Variants in DAB1 observed in about 807,000 individuals in gnomAD.
The protein encoded by DAB1 is DAB adaptor protein 1.
DAB1 carries 15 observed loss-of-function variants against 64.6 expected under a neutral mutation model. The observed-to-expected ratio is 0.23, with a 90% CI of 0.16 to 0.36. The LOEUF is 0.36. DAB1 is among the 10% of genes least tolerant of loss of function. The probability of loss-of-function intolerance (pLI) is 1.00; values close to 1 mark genes in which losing one functional copy is unlikely to be tolerated. For synonymous variants in DAB1, 235 were observed against 251.9 expected (o/e 0.93, Z 0.64); for missense variants, 596 against 706.7 (o/e 0.84, Z 1.78).
At chr1:58,121,533 A>C (rs918358107) in intron 5 of DAB1, among the ~76,000 whole-genome samples, 5 of 151,984 alleles carry the variant, frequency 3.3e-5, no homozygotes, top group African/African-American at 9.7e-5. Context: ...CTCTCTCAAA[A>C]TTTGTTTCAT....
chr1:57,542,441 G>A (rs1644813279), intron 7 of DAB1, among the ~76,000 whole-genome samples: 2 of 150,072 alleles, frequency 1.3e-5, no homozygotes, highest in Middle Eastern at 3.4e-3. Flanking sequence ...GGAAGGAAGC[G>A]AGCATGGTTG....
At chr1:58,334,282 C>T (rs534451533) in intron 4 of DAB1, among the ~76,000 whole-genome samples, 1 of 152,142 alleles carries the variant, frequency 6.6e-6, no homozygotes, top group Non-Finnish European at 1.5e-5. Context: ...TGTTGGGTTG[C>T]AATATTAAAT....
intron 7 of DAB1, among the ~76,000 whole-genome samples, chr1:57,565,660 G>T (rs1434733871): frequency 6.6e-6 from 1 of 152,124 alleles, no homozygotes; most frequent in Admixed American, 6.5e-5. Context: ...AACCAACAAA[G>T]ATCAAAAGAG....
At chr1:57,094,590 A>C (rs1346225732) in intron 4 of DAB1, among the ~76,000 whole-genome samples, 1 of 152,144 alleles carries the variant, frequency 6.6e-6, no homozygotes, top group Non-Finnish European at 1.5e-5. Context: ...ACAATTACAC[A>C]TTCACTTCCT....
At chr1:57,895,348 C>G (rs1391951538) in intron 5 of DAB1, among the ~76,000 whole-genome samples, 2 of 152,248 alleles carry the variant, frequency 1.3e-5, no homozygotes, top group East Asian at 3.9e-4. Context: ...GTAATTTGCC[C>G]AAGGTCACAC....
At chr1:57,458,012 C>G (rs1467342476) in intron 7 of DAB1, among the ~76,000 whole-genome samples, 6 of 152,128 alleles carry the variant, frequency 3.9e-5, no homozygotes, top group African/African-American at 1.4e-4. Context: ...ACAACAGACT[C>G]ACATCTATGT....
At chr1:58,096,851 G>A (rs2002319) in intron 5 of DAB1, among the ~76,000 whole-genome samples, 193 of 152,322 alleles carry the variant, frequency 1.3e-3, no homozygotes, top group African/African-American at 4.4e-3. Flanking sequence ...AGGACCCAGC[G>A]ATCCCAGCAC....
intron 5 of DAB1, among the ~76,000 whole-genome samples, chr1:57,939,787 C>T (rs1303937945): frequency 6.6e-6 from 1 of 152,182 alleles, no homozygotes; most frequent in African/African-American, 2.4e-5. Context: ...AAGGAACACA[C>T]CCCAGCATGT....
At chr1:57,688,350 C>A (rs904229143) in intron 6 of DAB1, among the ~76,000 whole-genome samples, 5 of 152,090 alleles carry the variant, frequency 3.3e-5, no homozygotes, top group Admixed American at 6.6e-5. Context: ...AAATGCAAAT[C>A]AAAACCGGAT....
At chr1:58,162,803 G>T (rs1294105376) in intron 4 of DAB1, among the ~76,000 whole-genome samples, 3 of 152,124 alleles carry the variant, frequency 2.0e-5, no homozygotes, top group Non-Finnish European at 4.4e-5. Flanking sequence ...AATGGATTCA[G>T]CTGCTGCCAA....
chr1:57,980,815 G>A (rs571112042), intron 5 of DAB1, among the ~76,000 whole-genome samples: 1 of 152,042 alleles, frequency 6.6e-6, no homozygotes, highest in South Asian at 2.1e-4. Flanking sequence ...AATAGTCATA[G>A]TTTTTACTTA....
intron 2 of DAB1, among the ~76,000 whole-genome samples, chr1:57,216,580 C>A (rs756765775): frequency 3.3e-5 from 5 of 152,098 alleles, no homozygotes; most frequent in Non-Finnish European, 7.4e-5. Flanking sequence ...TGGGTTGAGG[C>A]AAGCCAGGTC....
chr1:57,742,077 T>A (rs1040285637), intron 6 of DAB1, among the ~76,000 whole-genome samples: 8 of 152,086 alleles, frequency 5.3e-5, no homozygotes, highest in Admixed American at 4.6e-4. Context: ...TATTTCAGAA[T>A]ATAGTAAATA....
chr1:57,390,726 C>T (rs887499175), intron 1 of DAB1, among the ~76,000 whole-genome samples: 1 of 152,152 alleles, frequency 6.6e-6, no homozygotes, highest in Non-Finnish European at 1.5e-5. Flanking sequence ...CAGTTCTGAC[C>T]CGTTTTCATT....
chr1:57,853,106 T>G (rs1229344564), intron 1 of DAB1, among the ~76,000 whole-genome samples: 1 of 152,158 alleles, frequency 6.6e-6, no homozygotes, highest in African/African-American at 2.4e-5. Flanking sequence ...TATAATTAAT[T>G]ACAATCTGTT....
In DAB1 at chr1:58,103,912, C is replaced by A. The variant is rs544499841; in HGVS notation, n.387+46599G>T. On this transcript the variant is annotated intron_variant and non_coding_transcript_variant, in intron 5 of 20. Transcript: ENST00000485760. The stretch of plus-strand genomic sequence containing the variant: ...TTTCTTCGTGGAGGTCATGTCTTGA[C>A]TCCTTCACCCTTTCACTTTTCCTCC... Among the ~76,000 whole-genome samples, 4 of 152,272 alleles carry A rather than the reference C, an allele frequency of 2.6e-5. No homozygotes were observed. In the South Asian group the frequency reaches 6.2e-4, roughly 24 times the overall value.
chr1:57,136,177 C>T lies in DAB1; in HGVS notation c.306+366G>A, dbSNP rs780895762. On this transcript the variant is annotated intron_variant, in intron 4 of 14. Transcript: ENST00000371236. Reference sequence around the variant, plus strand: ...CTCAAGAGAGTCTGGATGCTTTGACCGAGTCAAAAGATGTACATGTATCTC... The same window carrying T: ...CTCAAGAGAGTCTGGATGCTTTGACTGAGTCAAAAGATGTACATGTATCTC... 2.0e-5 allele frequency among the ~76,000 whole-genome samples: 3 copies of T among 152,042 alleles called. No homozygotes were observed. In the South Asian group the frequency reaches 6.2e-4, roughly 32 times the overall value.
intron 5 of DAB1, among the ~76,000 whole-genome samples, chr1:58,025,548 TTA>T (rs201144076): frequency 3.4e-5 from 5 of 147,908 alleles, no homozygotes; most frequent in Middle Eastern, 3.2e-3. Context: ...AAATATAATA[TTA>T]TATATATATA....
At chr1:57,097,382 A>T (rs554757848) in intron 4 of DAB1, among the ~76,000 whole-genome samples, 1 of 152,334 alleles carries the variant, frequency 6.6e-6, no homozygotes, top group South Asian at 2.1e-4. Flanking sequence ...GGATGCTTCT[A>T]CATTACCACC....
Sources: allele counts gnomAD v4.1 joint callset (sites outside exome capture counted in the v4.1 genomes callset), GRCh38; gene constraint gnomAD v4.1.1; transcripts MANE v1.5; gene names NCBI Gene and HGNC (gene_info 2026-07-23, HGNC 2026-07-21).